The following THADA variants were observed in gnomAD, a reference collection of about 807,000 sequenced individuals.
THADA encodes THADA armadillo repeat containing.
A neutral mutation model predicts 219.8 loss-of-function variants in THADA; 213 were observed. The observed-to-expected ratio is 0.97, with a 90% CI of 0.87 to 1.09. The LOEUF (loss-of-function observed/expected upper bound fraction) is 1.09, where lower values mean the gene tolerates loss of function less well. THADA is among the 50% of genes least tolerant of loss of function. The probability of loss-of-function intolerance (pLI) is 0.00; values close to 1 mark genes in which losing one functional copy is unlikely to be tolerated. For synonymous variants in THADA, 1,018 were observed against 828.9 expected (o/e 1.23, Z -3.92); for missense variants, 2,956 against 2,311.3 (o/e 1.28, Z -5.72).
chr2:43,299,161 C>G (rs181897817), intron 31 of THADA, among the ~76,000 whole-genome samples: 5 of 150,334 alleles, frequency 3.3e-5, no homozygotes, highest in Admixed American at 2.0e-4. Flanking sequence ...CCCAAGATGT[C>G]TCATTATATA....
At chr2:43,375,328 A>G (rs1301710175) in intron 29 of THADA, among the ~76,000 whole-genome samples, 1 of 152,234 alleles carries the variant, frequency 6.6e-6, no homozygotes, top group East Asian at 1.9e-4. Flanking sequence ...TCTAGCCACC[A>G]CATAATCCAG....
chr2:43,592,245 G>A (rs972503288), intron 2 of THADA, 72 bp downstream of exon 2: 4 of 1,118,620 alleles, frequency 3.6e-6, no homozygotes, highest in Non-Finnish European at 5.1e-6. Context: ...ATATGCTAGG[G>A]GTCCCAGTCA....
At chr2:43,470,293 A>G (rs1341885762) in intron 26 of THADA, among the ~76,000 whole-genome samples, 1 of 152,012 alleles carries the variant, frequency 6.6e-6, no homozygotes, top group Non-Finnish European at 1.5e-5. Flanking sequence ...ATAACCTTTG[A>G]CACATAAATT....
In THADA at chr2:43,422,834, C is replaced by T. The variant is rs575378694; in HGVS notation, c.4058+5266G>A. ...TCCTGGGCTCAAGCAATCCTCCCAC[C>T]GCAGCCTCCCAAGTAGCTGGGACTA... On this transcript the variant is annotated intron_variant, in intron 28 of 37. Transcript: ENST00000405975. Among the ~76,000 whole-genome samples the T allele has an allele frequency of 9.9e-5, 15 of 152,194 alleles. No homozygotes were observed. The South Asian group carries it at 1.9e-3, about 19-fold the overall frequency.
chr2:43,284,515 T>A (rs1673751730), intron 35 of THADA, among the ~76,000 whole-genome samples: 1 of 152,188 alleles, frequency 6.6e-6, no homozygotes, highest in Non-Finnish European at 1.5e-5. Flanking sequence ...TTTGGGAACC[T>A]CTGCCTAAAG....
chr2:43,473,069 C>T lies in THADA; in HGVS notation c.3836+12165G>A, dbSNP rs545253400. 3.3e-5 allele frequency among the ~76,000 whole-genome samples: 5 copies of T among 152,180 alleles called. No individual in the cohort carries two copies. In the South Asian group the frequency reaches 1.0e-3, roughly 32 times the overall value. On this transcript the variant is annotated intron_variant, in intron 26 of 37. Transcript: ENST00000405975. Reference sequence around the variant, plus strand: ...CTGGAGACTTTATAAACACTGTATCCTAAGGCTACACTAAATTGATTTAAA... The same window carrying T: ...CTGGAGACTTTATAAACACTGTATCTTAAGGCTACACTAAATTGATTTAAA...
chr2:43,406,258 T>C (rs1675520412), intron 28 of THADA, among the ~76,000 whole-genome samples: 1 of 152,160 alleles, frequency 6.6e-6, no homozygotes, highest in African/African-American at 2.4e-5. Flanking sequence ...CAGGGAGGGG[T>C]GAAGGTACAC....
chr2:43,573,803 C>T (rs1429761455), intron 11 of THADA, among the ~76,000 whole-genome samples: 1 of 152,074 alleles, frequency 6.6e-6, no homozygotes, highest in Non-Finnish European at 1.5e-5. Flanking sequence ...CTGAATTATG[C>T]TTGAATGCAG....
intron 20 of THADA, among the ~76,000 whole-genome samples, chr2:43,547,852 T>C (rs1458994544): frequency 6.6e-6 from 1 of 152,228 alleles, no homozygotes; most frequent in Non-Finnish European, 1.5e-5. Flanking sequence ...TCTGAAGCCT[T>C]CTTCTCTCAA....
At chr2:43,501,815 A>T (rs1291038820) in intron 24 of THADA, among the ~76,000 whole-genome samples, 1 of 152,122 alleles carries the variant, frequency 6.6e-6, no homozygotes, top group African/African-American at 2.4e-5. Flanking sequence ...GTGGTGGCAC[A>T]TGCCTGTAAT....
intron 30 of THADA, among the ~76,000 whole-genome samples, chr2:43,337,296 A>G (rs1045599364): frequency 6.6e-6 from 1 of 152,192 alleles, no homozygotes; most frequent in Non-Finnish European, 1.5e-5. Context: ...AACAATCTGT[A>G]CCCGTTTGAC....
At chr2:43,288,127 C>T (rs925744247) in intron 34 of THADA, among the ~76,000 whole-genome samples, 1 of 152,182 alleles carries the variant, frequency 6.6e-6, no homozygotes. Flanking sequence ...ACATTTAAAA[C>T]AGAATCACAG....
intron 13 of THADA, among the ~76,000 whole-genome samples, chr2:43,570,823 T>A (rs1699211367): frequency 9.0e-6 from 1 of 111,674 alleles, no homozygotes; most frequent in African/African-American, 4.3e-5. Context: ...TAATTCAAGT[T>A]AGATTATTTG....
At chr2:43,514,537 T>C (rs1690940159) in intron 22 of THADA, among the ~76,000 whole-genome samples, 1 of 133,130 alleles carries the variant, frequency 7.5e-6, no homozygotes, top group Admixed American at 8.6e-5. Flanking sequence ...ACATAATATG[T>C]ATATTTTATA....
intron 30 of THADA, among the ~76,000 whole-genome samples, chr2:43,339,106 T>C (rs1390101617): frequency 2.0e-5 from 3 of 152,186 alleles, no homozygotes; most frequent in Non-Finnish European, 4.4e-5. Context: ...TAACCAATAA[T>C]AGTGATTTAT....
At chr2:43,385,300 T>C (rs1672514310) in intron 29 of THADA, among the ~76,000 whole-genome samples, 2 of 151,820 alleles carry the variant, frequency 1.3e-5, no homozygotes, top group South Asian at 4.1e-4. Context: ...TGACTATACA[T>C]CCTGTAATCT....
chr2:43,361,027 C>T (rs1669459303), intron 29 of THADA, among the ~76,000 whole-genome samples: 1 of 151,942 alleles, frequency 6.6e-6, no homozygotes, highest in Non-Finnish European at 1.5e-5. Flanking sequence ...TCTACCACAA[C>T]TGAAAGGGGG....
At position 43,279,874 on chromosome 2, in the gene THADA, G is replaced by C. The variant is rs368617238; in HGVS notation, c.5187C>G (p.Leu1729=). ...PILELQDTLA[L]WKCVLTLLQS... is the part of the protein sequence containing the mutation. ...GCAGAAGGGTAAGGACACACTTCCA[G>C]AGAGCAAGTGTATCCTGCAACTCTA... The change falls in exon 36 of 38, where the codon CTC becomes CTG. Residue 1729 remains leucine, a synonymous_variant. Transcript: ENST00000405975. 48 of 1,551,478 alleles carry C rather than the reference G, an allele frequency of 3.1e-5. No homozygotes were observed. The highest frequency in any genetic ancestry group is 4.1e-5 in the Non-Finnish European group (47 of 1,153,486).
At chr2:43,587,997 T>G (rs905554570) in intron 4 of THADA, among the ~76,000 whole-genome samples, 1 of 152,168 alleles carries the variant, frequency 6.6e-6, no homozygotes, top group Non-Finnish European at 1.5e-5. Context: ...ATATTCAGAA[T>G]AAGAAGAGTC....
Sources: allele counts gnomAD v4.1 joint callset (sites outside exome capture counted in the v4.1 genomes callset), GRCh38; gene constraint gnomAD v4.1.1; transcripts MANE v1.5; gene names NCBI Gene and HGNC (gene_info 2026-07-23, HGNC 2026-07-21).